The following TXNRD2 variants were observed in gnomAD, a reference collection of about 807,000 sequenced individuals.
The protein encoded by TXNRD2 is thioredoxin reductase 2, mitochondrial.
In TXNRD2, 67 loss-of-function variants were observed where a neutral mutation model predicts 70.8. That is an observed-to-expected ratio of 0.95 (90% CI 0.78 to 1.16). TXNRD2 has a LOEUF of 1.16. Among genes scored for constraint, TXNRD2 ranks in the 50% most tolerant of loss-of-function variants. TXNRD2 has a pLI of 0.00. For synonymous variants in TXNRD2, 301 were observed against 295.8 expected, an observed-to-expected ratio of 1.02 and a Z score of -0.18; for missense variants, 644 against 719.9, an observed-to-expected ratio of 0.89 and a Z score of 1.21.
rs999969592 is a variant in TXNRD2 at position 19,915,943 on chromosome 22, A to G, written c.450-100T>C. 3.7e-6 allele frequency: 4 copies of G among 1,078,792 alleles called. No homozygotes were observed. The African/African-American group carries it at 6.2e-5, about 17-fold the overall frequency. The allele number at this position is 1,078,792 out of a possible 1,614,324, so 66.8% of individuals were successfully genotyped here. ...CTGGTAAAAGGGAGCTCCAGCCCCC[A>G]GCAGGGCCTGGTGCTGTGGCTCAGA... On this transcript the variant is annotated intron_variant, in intron 5 of 17. Coordinates refer to ENST00000400521, the MANE Select transcript of TXNRD2 (RefSeq NM_006440.5).
chr22:19,877,372 C>T, intron 16 of TXNRD2, 138 bp from the exon 17 acceptor site: 4 of 763,896 alleles, frequency 5.2e-6, no homozygotes, highest in Non-Finnish European at 8.6e-6. Flanking sequence ...GCAGCCAGGA[C>T]CCCTGCCCAC....
At chr22:19,921,468 C>T (rs1471272485) in intron 2 of TXNRD2, among the ~76,000 whole-genome samples, 1 of 151,360 alleles carries the variant, frequency 6.6e-6, no homozygotes, top group Non-Finnish European at 1.5e-5. Flanking sequence ...CACATCTGAC[C>T]ACGATGGAGC....
At chr22:19,932,589 G>A in intron 1 of TXNRD2, 1 of 1,442,720 alleles carries the variant, frequency 6.9e-7, no homozygotes, top group Non-Finnish European at 9.1e-7. Context: ...ACTCCCTGCT[G>A]AAGGAAGGAA....
chr22:19,894,918 G>A, intron 11 of TXNRD2: 16 of 1,189,278 alleles, frequency 1.3e-5, no homozygotes, highest in Non-Finnish European at 1.7e-5. Context: ...AACCCGGGAG[G>A]CGGAGGTTGC....
intron 8 of TXNRD2, among the ~76,000 whole-genome samples, chr22:19,909,891 A>ACACACCACT (rs1569093981): frequency 0.033 from 706 of 21,464 alleles, 36 homozygotes; most frequent in African/African-American, 0.15. Context: ...CACCACTCAC[A>ACACACCACT]CACACACACA....
At chr22:19,920,680 C>A (rs1940868088) in intron 2 of TXNRD2, among the ~76,000 whole-genome samples, 1 of 152,178 alleles carries the variant, frequency 6.6e-6, no homozygotes, top group South Asian at 2.1e-4. Context: ...AAACTTCAGG[C>A]CTTGGACTTG....
intron 16 of TXNRD2, among the ~76,000 whole-genome samples, chr22:19,877,693 G>A (rs1043715776): frequency 7.9e-5 from 12 of 152,098 alleles, no homozygotes; most frequent in Admixed American, 1.3e-4. Context: ...CTTTGACCCC[G>A]GGACCCCGAA....
Position 19,880,417 on chromosome 22 carries a change from C to T in TXNRD2, c.1183-146G>A, listed in dbSNP as rs924242544. On this transcript the variant is annotated intron_variant, in intron 13 of 17. Coordinates refer to ENST00000400521, the MANE Select transcript of TXNRD2 (RefSeq NM_006440.5). Reference sequence around the variant, plus strand: ...AAGCACAGTAGGCGACCCACCTGCCCACGCCTGCGCCACACTCTCAGAACT... The same window carrying T: ...AAGCACAGTAGGCGACCCACCTGCCTACGCCTGCGCCACACTCTCAGAACT... The T allele has an allele frequency of 8.6e-6, 8 of 933,160 alleles. No homozygotes were observed. The African/African-American group carries it at 1.3e-4, about 15-fold the overall frequency. The allele number at this position is 933,160 out of a possible 1,614,324, so 57.8% of individuals were successfully genotyped here.
At chr22:19,911,570 C>T in intron 7 of TXNRD2, 123 bp from the exon 8 acceptor site, 2 of 767,244 alleles carry the variant, frequency 2.6e-6, no homozygotes, top group South Asian at 1.5e-5. Flanking sequence ...ATGCACAGGG[C>T]TTCCCTGCTG....
intron 1 of TXNRD2, among the ~76,000 whole-genome samples, chr22:19,932,992 C>T (rs1298302186): frequency 2.6e-5 from 4 of 152,238 alleles, no homozygotes; most frequent in South Asian, 2.1e-4. Context: ...CTAGAACATG[C>T]ACTCCTAAAG....
chr22:19,880,497 GCA>G lies in TXNRD2; in HGVS notation c.1182+123_1182+124del, dbSNP rs1413038795. On this transcript the variant is annotated intron_variant, in intron 13 of 17. Coordinates refer to ENST00000400521, the MANE Select transcript of TXNRD2 (RefSeq NM_006440.5). ...GTGTGTACAACACACCCACATAAGC[GCA>G]CACACACGCATGCCCACATCTACAT... The G allele has an allele frequency of 1.3e-5, 12 of 919,984 alleles. No individual in the cohort carries two copies. In the East Asian group the frequency reaches 2.8e-4, roughly 22 times the overall value. The allele number at this position is 919,984 out of a possible 1,614,324, so 57.0% of individuals were successfully genotyped here. A position where few individuals can be genotyped will look rare whatever the true frequency, so the allele number is the denominator to read the frequency against.
At chr22:19,927,118 A>G (rs542390591) in intron 2 of TXNRD2, among the ~76,000 whole-genome samples, 1 of 151,950 alleles carries the variant, frequency 6.6e-6, no homozygotes, top group East Asian at 2.0e-4. Context: ...ACATGGTGAA[A>G]CCCCGTCTCT....
chr22:19,925,100 C>T (rs537486738), intron 2 of TXNRD2, among the ~76,000 whole-genome samples: 11 of 150,482 alleles, frequency 7.3e-5, no homozygotes, highest in South Asian at 4.2e-4. Flanking sequence ...CTGGCTAACA[C>T]GGCGAAGCCC....
intron 14 of TXNRD2, among the ~76,000 whole-genome samples, chr22:19,879,405 A>G (rs1239683577): frequency 1.3e-5 from 2 of 151,970 alleles, no homozygotes; most frequent in Non-Finnish European, 2.9e-5. Context: ...GAGCCCCCGC[A>G]TCCCTCCAGG....
intron 10 of TXNRD2, among the ~76,000 whole-genome samples, chr22:19,895,834 TA>T (rs1298173370): frequency 1.3e-5 from 2 of 152,174 alleles, no homozygotes; most frequent in African/African-American, 4.8e-5. Flanking sequence ...CTCTAGATGC[TA>T]ATTAACTAAG....
intron 1 of TXNRD2, among the ~76,000 whole-genome samples, chr22:19,931,821 C>T (rs1248280774): frequency 1.3e-5 from 2 of 152,026 alleles, no homozygotes; most frequent in Non-Finnish European, 2.9e-5. Flanking sequence ...CTCAAGTCCA[C>T]GTGCCTTTCA....
chr22:19,941,818 T>A lies in TXNRD2; in HGVS notation c.-15A>T, dbSNP rs1269109255. The A allele has an allele frequency of 6.6e-6, 10 of 1,514,432 alleles. No individual in the cohort carries two copies. Among genetic ancestry groups the A allele is most frequent in the Non-Finnish European group, 8.8e-6 (10 of 1,140,986 alleles). The allele number at this position is 1,514,432 out of a possible 1,614,324, so 93.8% of individuals were successfully genotyped here. ...ATTGCCGCCATCGTCGTGGGGCTTC[T>A]GGGGCAGCTAGGGCTGCCCGCCGCG... On this transcript the variant is annotated 5_prime_UTR_variant, in exon 1 of 18. Transcript: ENST00000400521.
chr22:19,931,090 G>C lies in TXNRD2; in HGVS notation c.112C>G (p.Arg38Gly). 6.2e-7 allele frequency: 1 copy of C among 1,613,308 alleles called. No individual in the cohort carries two copies. The highest frequency in any genetic ancestry group is 2.2e-5 in the East Asian group (1 of 44,884). ...GAARGAAAGQ[R>G]DYDLLVVGGG... ...CCGACCACCAGGAGATCATAGTCCC[G>C]CTGACCTGCTGAGAGAAGGGATGAG... The change falls in exon 2 of 18, where the codon CGG (arginine) becomes GGG (glycine). Residue 38 changes from arginine to glycine, a missense_variant. Around this residue, in one of 3 missense-constraint regions of TXNRD2, gnomAD observed 566 missense variants for 645.0 expected, o/e 0.88. Transcript: ENST00000400521.
intron 11 of TXNRD2, chr22:19,883,751 CA>C: frequency 2.4e-6 from 1 of 411,762 alleles, no homozygotes; most frequent in Non-Finnish European, 4.6e-6. Context: ...GTCTGGAGTT[CA>C]AAACCAGCCT....
Sources: allele counts gnomAD v4.1 joint callset (sites outside exome capture counted in the v4.1 genomes callset), GRCh38; gene constraint gnomAD v4.1.1; regional missense constraint gnomAD v4.1.1; transcripts MANE v1.5; gene names NCBI Gene and HGNC (gene_info 2026-07-23, HGNC 2026-07-21).